The following MOB4 variants were observed in gnomAD, a reference collection of about 807,000 sequenced individuals.
MOB4 encodes the protein MOB-like protein phocein.
Under a neutral mutation model 32.2 loss-of-function variants are expected in MOB4, and 4 were observed. The ratio of observed to expected loss-of-function variants is 0.12; its 90% CI spans 0.06 to 0.28. The LOEUF (loss-of-function observed/expected upper bound fraction) is 0.28, where lower values mean the gene tolerates loss of function less well. MOB4 is among the 10% of genes least tolerant of loss of function. The pLI, the probability that MOB4 is intolerant of heterozygous loss-of-function variation, is 1.00. For synonymous variants in MOB4, 88 were observed against 88.1 expected, an observed-to-expected ratio of 1.00 and a Z score of 0.01; for missense variants, 158 against 271.2, an observed-to-expected ratio of 0.58 and a Z score of 2.93.
chr2:197,521,399 G>C (rs1034376493), intron 1 of MOB4, among the ~76,000 whole-genome samples: 2 of 152,188 alleles, frequency 1.3e-5, no homozygotes, highest in Non-Finnish European at 2.9e-5. Flanking sequence ...GAGGCAGGGC[G>C]AGATCACAGG....
chr2:197,516,115 T>A lies in MOB4; in HGVS notation c.29T>A (p.Leu10Gln), dbSNP rs1236318571. The change falls in exon 1 of 8, where the codon CTG (leucine) becomes CAG (glutamine). Residue 10 changes from leucine to glutamine, a missense_variant. Coordinates refer to ENST00000323303, the MANE Select transcript of MOB4 (RefSeq NM_015387.5). The stretch of plus-strand genomic sequence containing the variant: ...GTCATGGCGGAGGGGACGGCAGTGC[T>A]GAGGCGGAACAGGCCGGGCACCAAG... MVMAEGTAV[L>Q]RRNRPGTKAQ... 4 of 1,604,190 alleles carry A rather than the reference T, an allele frequency of 2.5e-6. No homozygotes were observed. Among genetic ancestry groups the A allele is most frequent in the Non-Finnish European group, 2.5e-6 (3 of 1,176,564 alleles).
intron 5 of MOB4, among the ~76,000 whole-genome samples, chr2:197,541,289 A>G (rs1387450037): frequency 4.6e-5 from 7 of 152,076 alleles, no homozygotes; most frequent in Non-Finnish European, 7.4e-5. Context: ...TGGTCTTTAC[A>G]TCTGGGTTGT....
intron 2 of MOB4, among the ~76,000 whole-genome samples, chr2:197,528,773 C>A (rs7580864): frequency 6.6e-6 from 1 of 151,100 alleles, no homozygotes; most frequent in Admixed American, 6.6e-5. Flanking sequence ...CCGCCATCAC[C>A]CCCGGCTAAT....
Position 197,540,402 on chromosome 2 carries a change from A to G in MOB4, c.319A>G (p.Ile107Val). ...CTQMTATEQW[I>V]FLCAAHKTPK... ...TCAAATGACAGCAACTGAACAATGG[A>G]TTTTTCTTTGTGCAGCTCATAAAAC... Residue 107 changes from isoleucine to valine, a missense_variant, in exon 5 of 8, where the codon ATT (isoleucine) becomes GTT (valine). Around this residue, in one of 6 missense-constraint regions of MOB4, gnomAD observed 22 missense variants for 61.2 expected, o/e 0.36. Transcript: ENST00000323303. 3.8e-6 allele frequency: 6 copies of G among 1,593,798 alleles called. No homozygotes were observed. The highest frequency in any genetic ancestry group is 1.2e-5 in the South Asian group (1 of 85,828).
intron 5 of MOB4, among the ~76,000 whole-genome samples, chr2:197,541,616 C>G (rs1183351096): frequency 2.0e-5 from 3 of 152,178 alleles, no homozygotes; most frequent in African/African-American, 7.2e-5. Flanking sequence ...TTAATTGAAG[C>G]AGTATTAAGA....
chr2:197,545,484 G>T (rs1440122113), intron 5 of MOB4, among the ~76,000 whole-genome samples: 1 of 152,124 alleles, frequency 6.6e-6, no homozygotes, highest in Non-Finnish European at 1.5e-5. Context: ...AGTGCTGACT[G>T]TATGTGTACA....
chr2:197,528,965 A>AT lies in MOB4; in HGVS notation c.123+5294dup, dbSNP rs781143808. On this transcript the variant is annotated intron_variant, in intron 2 of 7. Transcript: ENST00000323303. ...TCTGTCTGAAGAACTTCCTTTAGTA[A>AT]TTTTTTTTTTTTTTTAGACAGAGTC... is the stretch of plus-strand genomic sequence containing the variant. Among the ~76,000 whole-genome samples, 505 of 135,792 alleles carry AT rather than the reference A, an allele frequency of 3.7e-3. 1 individual carries two copies. The highest frequency in any genetic ancestry group is 9.2e-3 in the African/African-American group (339 of 36,804). 89.1% of individuals were successfully genotyped at this position (135,792 alleles called of 152,430 possible).
chr2:197,527,981 C>T (rs1472410312), intron 2 of MOB4, among the ~76,000 whole-genome samples: 1 of 151,762 alleles, frequency 6.6e-6, no homozygotes, highest in Non-Finnish European at 1.5e-5. Context: ...TGATAACTTT[C>T]TTTTGATTTA....
intron 1 of MOB4, among the ~76,000 whole-genome samples, chr2:197,522,038 T>G (rs2086529359): frequency 1.3e-5 from 2 of 152,148 alleles, no homozygotes; most frequent in Non-Finnish European, 2.9e-5. Context: ...GAGACTGCAG[T>G]AAAGACAGGC....
chr2:197,522,611 G>A (rs766607030), intron 1 of MOB4, among the ~76,000 whole-genome samples: 3 of 151,988 alleles, frequency 2.0e-5, no homozygotes, highest in Non-Finnish European at 4.4e-5. Context: ...GGTTACTGGT[G>A]TAAGCCACCA....
At chr2:197,546,922 A>G (rs1182778171) in intron 5 of MOB4, among the ~76,000 whole-genome samples, 1 of 152,120 alleles carries the variant, frequency 6.6e-6, no homozygotes, top group African/African-American at 2.4e-5. Context: ...GTGTATTGCA[A>G]TGAAGGAAGC....
At chr2:197,515,768 G>T, upstream of MOB4, 1 of 437,060 alleles carries the variant, frequency 2.3e-6, no homozygotes, top group Non-Finnish European at 4.1e-6. Context: ...GTGCAACGCA[G>T]CCGTGCACAC....
chr2:197,531,195 C>G (rs2086697321), intron 2 of MOB4, among the ~76,000 whole-genome samples: 1 of 151,842 alleles, frequency 6.6e-6, no homozygotes, highest in Non-Finnish European at 1.5e-5. Flanking sequence ...CTACAAGCGC[C>G]CGCCACTATG....
chr2:197,533,722 CAAAAAAAAAAAA>C lies in MOB4; in HGVS notation c.124-1795_124-1784del, dbSNP rs796816631. The C allele has an allele frequency of 6.0e-3, 851 of 142,456 alleles. 23 individuals are homozygous for C. The highest frequency in any genetic ancestry group is 0.042 in the African/African-American group (738 of 17,724). 8.8% of individuals were successfully genotyped at this position (142,456 alleles called of 1,614,324 possible). A position where few individuals can be genotyped will look rare whatever the true frequency, so the allele number is the denominator to read the frequency against. ...CCTGGGCGACAGGAGCAAAACTCCT[CAAAAAAAAAAAA>C]AAAAAAAAAAAAGTATTTGATCCCT... is the stretch of plus-strand genomic sequence containing the variant. On this transcript the variant is annotated intron_variant, in intron 2 of 7. Transcript: ENST00000323303.
chr2:197,518,723 C>T (rs867103385), intron 1 of MOB4, among the ~76,000 whole-genome samples: 28 of 151,558 alleles, frequency 1.8e-4, no homozygotes, highest in African/African-American at 5.6e-4. Flanking sequence ...CCACCACGCC[C>T]GGCTAATTTT....
At position 197,516,108 on chromosome 2, in the gene MOB4, G is replaced by A; in HGVS notation, c.22G>A (p.Ala8Thr). 1 of 1,603,042 alleles carries A rather than the reference G, an allele frequency of 6.2e-7. No individual in the cohort carries two copies. Among genetic ancestry groups the A allele is most frequent in the Non-Finnish European group, 8.5e-7 (1 of 1,175,968 alleles). Residue 8 changes from alanine to threonine, a missense_variant, in exon 1 of 8, where the codon GCA becomes ACA. Transcript: ENST00000323303. ...CACTATGGTCATGGCGGAGGGGACG[G>A]CAGTGCTGAGGCGGAACAGGCCGGG... MVMAEGTAVLRRNRPGTK... is the reference protein window; with the variant it reads MVMAEGTTVLRRNRPGTK...
At chr2:197,533,801 C>G (rs1046490285) in intron 2 of MOB4, 1 of 584,116 alleles carries the variant, frequency 1.7e-6, no homozygotes, top group Non-Finnish European at 3.3e-6. Flanking sequence ...CAGTTCTTTG[C>G]CATGCCTTCC....
intron 2 of MOB4, among the ~76,000 whole-genome samples, chr2:197,528,485 T>C (rs192191361): frequency 1.3e-5 from 2 of 152,324 alleles, no homozygotes; most frequent in African/African-American, 4.8e-5. Context: ...TTAATCATTT[T>C]ACTTTCACTT....
rs3792157 is a variant in MOB4, at chr2:197,552,135, G to A, written c.*1489G>A. On this transcript the variant is annotated 3_prime_UTR_variant, in exon 8 of 8. Coordinates refer to ENST00000323303, the MANE Select transcript of MOB4 (RefSeq NM_015387.5). ...TATACTGAGAGTGTGTGTATGTATA[G>A]TGTATGCCTTTCCAAGCTTGCCAGT... 0.14 allele frequency: 21,141 copies of A among 152,302 alleles called. 1,824 individuals carry two copies. The highest frequency in any genetic ancestry group is 0.27 in the Middle Eastern group (81 of 296). 9.4% of individuals were successfully genotyped at this position (152,302 alleles called of 1,614,324 possible).
Sources: allele counts gnomAD v4.1 joint callset (sites outside exome capture counted in the v4.1 genomes callset), GRCh38; gene constraint gnomAD v4.1.1; regional missense constraint gnomAD v4.1.1; transcripts MANE v1.5; gene names NCBI Gene and HGNC (gene_info 2026-07-23, HGNC 2026-07-21).